Variants in PRRC2C observed in about 807,000 individuals in gnomAD.
PRRC2C encodes the protein protein PRRC2C.
In PRRC2C, 72 loss-of-function variants were observed where a neutral mutation model predicts 317.2. The observed-to-expected ratio is 0.23, with a 90% CI of 0.19 to 0.28. The LOEUF (loss-of-function observed/expected upper bound fraction) is 0.28. Among genes scored for constraint, PRRC2C ranks in the 10% least tolerant of loss-of-function variants. The pLI is 1.00. For synonymous variants in PRRC2C, 1,296 were observed against 1,205.9 expected, an observed-to-expected ratio of 1.07 and a Z score of -1.55; for missense variants, 3,074 against 3,459.7, an observed-to-expected ratio of 0.89 and a Z score of 2.80.
chr1:171,505,679 A>C (rs1159327351), intron 1 of PRRC2C, among the ~76,000 whole-genome samples: 5 of 152,198 alleles, frequency 3.3e-5, no homozygotes, highest in African/African-American at 9.7e-5. Context: ...AAGGGCAAGC[A>C]TACAAACTTT....
rs768500366 is a variant in PRRC2C at position 171,541,611 on chromosome 1, C to T, written c.4145C>T (p.Ser1382Leu). ...YRDNQWNPRQ[S>L]EVPKPEDGEP... ...GACAATCAGTGGAACCCAAGGCAGT[C>T]AGAAGTTCCTAAACCAGAAGATGGA... Residue 1382 changes from serine (S) to leucine (L), a missense_variant, in exon 16 of 35, where the codon TCA becomes TTA. Transcript: ENST00000647382. The surrounding 1 kb of genome is among the most constrained non-coding windows in gnomAD (Gnocchi z 4.1). The T allele has an allele frequency of 3.7e-6, 6 of 1,613,706 alleles. No homozygotes were observed. The highest frequency in any genetic ancestry group is 5.1e-6 in the Non-Finnish European group (6 of 1,179,862).
chr1:171,577,720 C>T, intron 26 of PRRC2C, 83 bp downstream of exon 26: 1 of 1,233,994 alleles, frequency 8.1e-7, no homozygotes, highest in Non-Finnish European at 1.2e-6. Context: ...CTTACCCTTT[C>T]AGCTAAGCAT....
Position 171,557,828 on chromosome 1 carries a change from C to T in PRRC2C, c.5716C>T (p.Leu1906Phe), listed in dbSNP as rs1431936490. 6.5e-7 allele frequency: 1 copy of T among 1,548,322 alleles called. No homozygotes were observed. The highest frequency in any genetic ancestry group is 8.7e-7 in the Non-Finnish European group (1 of 1,145,066). ...CTCAGCCCCAACTGCCTCAGTCCCA[C>T]TTGCCCCTGCCTCAGCTTCAGCCCC... Reference protein sequence around the residue: ...PASAPTASVPLAPASASAPAP... With the variant: ...PASAPTASVPFAPASASAPAP... Residue 1906 changes from leucine to phenylalanine, a missense_variant, in exon 19 of 35, where the codon CTT becomes TTT. By Grantham distance (22) the Leu-to-Phe change is conservative. Transcript: ENST00000647382.
rs1405235540 is a variant in PRRC2C at position 171,540,615 on chromosome 1, TAAAGCCTGA to T, written c.3154_3162del (p.Pro1052_Lys1054del). 1.2e-6 allele frequency: 2 copies of T among 1,613,792 alleles called. No individual in the cohort carries two copies. The highest frequency in any genetic ancestry group is 2.7e-5 in the African/African-American group (2 of 74,894). ...GAAAAGGTCACTGAAAAAGTAGTTG[TAAAGCCTGA>T]AAAGACGGAAAAGAAGGATCTTCCT... On this transcript the variant is annotated inframe_deletion, in exon 16 of 35. Transcript: ENST00000647382.
Position 171,512,140 on chromosome 1 carries a change from G to C in PRRC2C, c.52G>C (p.Ala18Pro). 6.3e-7 allele frequency: 1 copy of C among 1,582,368 alleles called. No homozygotes were observed. The highest frequency in any genetic ancestry group is 8.6e-7 in the Non-Finnish European group (1 of 1,163,584). ...STKAKDGKKYATLSLFNTYKG... is the reference protein window; with the variant it reads ...STKAKDGKKYPTLSLFNTYKG... ...AAAAGCAAAGGATGGGAAAAAGTAT[G>C]CAACACTCAGTTTATTTAATACTTA... The change falls in exon 2 of 35, where the codon GCA becomes CCA. Residue 18 changes from alanine (A) to proline (P), a missense_variant. This residue lies in a region of PRRC2C where 71 missense variants were observed against 118.9 expected (regional missense o/e 0.60). Transcript: ENST00000647382.
intron 1 of PRRC2C, among the ~76,000 whole-genome samples, chr1:171,508,766 G>A (rs539473141): frequency 9.4e-4 from 143 of 152,248 alleles, no homozygotes; most frequent in African/African-American, 3.3e-3. Flanking sequence ...CTAGTGAATT[G>A]TCTGTTCAAA....
chr1:171,560,844 G>A (rs1293609828), intron 19 of PRRC2C, among the ~76,000 whole-genome samples, 174 bp from the exon 20 acceptor site: 1 of 152,038 alleles, frequency 6.6e-6, no homozygotes, highest in Non-Finnish European at 1.5e-5. Context: ...ATGTTTCTGG[G>A]GTATGCCTGT....
chr1:171,575,099 C>G lies in PRRC2C; in HGVS notation c.6926C>G (p.Ala2309Gly), dbSNP rs1476508106. The G allele has an allele frequency of 6.2e-7, 1 of 1,613,702 alleles. No homozygotes were observed. The highest frequency in any genetic ancestry group is 8.5e-7 in the Non-Finnish European group (1 of 1,179,804). The change falls in exon 25 of 35, where the codon GCT (alanine) becomes GGT (glycine). Residue 2309 changes from alanine to glycine, a missense_variant. Ala to Gly is a moderately conservative substitution (Grantham distance 60, BLOSUM62 0). This residue lies in a region of PRRC2C where 490 missense variants were observed against 663.1 expected (regional missense o/e 0.74). Coordinates refer to ENST00000647382, the MANE Select transcript of PRRC2C (RefSeq NM_001387844.1). The stretch of plus-strand genomic sequence containing the variant: ...GCATCCATGCCCCAGATTCCTGTTG[C>G]TTCAGTCACTCCTACAGCATCACTA... Reference protein sequence around the residue: ...SSASMPQIPVASVTPTASLSG... With the variant: ...SSASMPQIPVGSVTPTASLSG...
chr1:171,593,040 A>T lies in PRRC2C; in HGVS notation c.*1193A>T, dbSNP rs573354175. 2 of 152,040 alleles carry T rather than the reference A, an allele frequency of 1.3e-5. No homozygotes were observed. The highest frequency in any genetic ancestry group is 4.1e-4 in the South Asian group (2 of 4,822). 9.4% of individuals were successfully genotyped at this position (152,040 alleles called of 1,614,324 possible). A position where few individuals can be genotyped will look rare whatever the true frequency, so the allele number is the denominator to read the frequency against. On this transcript the variant is annotated 3_prime_UTR_variant, in exon 35 of 35. Transcript: ENST00000647382. ...TTCTAGAATGTTTTCTTTCCAGATGATGATTCAGAAGCTAATTTTAAAAAA... is the reference window on the plus strand; with the variant it reads ...TTCTAGAATGTTTTCTTTCCAGATGTTGATTCAGAAGCTAATTTTAAAAAA...
intron 17 of PRRC2C, among the ~76,000 whole-genome samples, chr1:171,547,322 AT>A (rs1451622244): frequency 6.6e-6 from 1 of 152,164 alleles, no homozygotes; most frequent in East Asian, 1.9e-4. Flanking sequence ...TAGTGTTCGA[AT>A]TTTCCATAAA....
Position 171,541,238 on chromosome 1 carries a change from A to G in PRRC2C, c.3772A>G (p.Lys1258Glu). 6.2e-7 allele frequency: 1 copy of G among 1,613,700 alleles called. No homozygotes were observed. Among genetic ancestry groups the G allele is most frequent in the East Asian group, 2.2e-5 (1 of 44,880 alleles). The change falls in exon 16 of 35, where the codon AAA (lysine) becomes GAA (glutamate). Residue 1258 changes from lysine (K) to glutamate (E), a missense_variant. Physicochemically the swap from Lys to Glu is moderately conservative, Grantham distance 56. Coordinates refer to ENST00000647382, the MANE Select transcript of PRRC2C (RefSeq NM_001387844.1). This position sits in a 1 kb window ranked among gnomAD's most constrained non-coding sequence, Gnocchi z 4.1. ...SESSDFEVVP[K>E]RRRQRGSETD... ...GAGCTCTGATTTTGAAGTTGTCCCC[A>G]AAAGAAGACGACAGCGGGGTTCAGA...
chr1:171,578,688 T>C lies in PRRC2C; in HGVS notation c.7160-666T>C, dbSNP rs537293161. 3.9e-5 allele frequency among the ~76,000 whole-genome samples: 6 copies of C among 152,256 alleles called. No individual in the cohort carries two copies. In the South Asian group the frequency reaches 1.2e-3, roughly 32 times the overall value. On this transcript the variant is annotated intron_variant, in intron 26 of 34. Coordinates refer to ENST00000647382, the MANE Select transcript of PRRC2C (RefSeq NM_001387844.1). ...TTCAAGACCCACCTGGCCAACATGG[T>C]GAAACCACGTCTCTACTAAAAATAC...
rs530704111 is a variant in PRRC2C, at chr1:171,585,385, G to A, written c.7749+859G>A. Among the ~76,000 whole-genome samples the A allele has an allele frequency of 8.5e-4, 130 of 152,296 alleles. 1 individual carries two copies. The highest frequency in any genetic ancestry group is 3.0e-3 in the African/African-American group (125 of 41,546). On this transcript the variant is annotated intron_variant, in intron 30 of 34. Coordinates refer to ENST00000647382, the MANE Select transcript of PRRC2C (RefSeq NM_001387844.1). The stretch of plus-strand genomic sequence containing the variant: ...ATTTTCAGTGAAAAGTATATGGTAC[G>A]TTTAAAACTATCTCTAATAATTTCA...
intron 29 of PRRC2C, 25 bp from the exon 30 acceptor site, chr1:171,584,394 T>G: frequency 1.3e-6 from 2 of 1,528,990 alleles, no homozygotes; most frequent in South Asian, 2.5e-5. Context: ...GTCTTACTCA[T>G]GTTTTCTTAA....
intron 10 of PRRC2C, among the ~76,000 whole-genome samples, chr1:171,525,797 T>C (rs779340718): frequency 1.3e-5 from 2 of 152,146 alleles, no homozygotes; most frequent in Non-Finnish European, 2.9e-5. Context: ...AAAGGGAATA[T>C]AGCTGTTACA....
intron 18 of PRRC2C, among the ~76,000 whole-genome samples, chr1:171,552,503 A>G (rs991556318): frequency 6.6e-6 from 1 of 152,138 alleles, no homozygotes; most frequent in African/African-American, 2.4e-5. Flanking sequence ...CACTATGCTG[A>G]ATAGGAGTGT....
chr1:171,552,111 A>G (rs1680365795), intron 18 of PRRC2C, among the ~76,000 whole-genome samples: 1 of 152,074 alleles, frequency 6.6e-6, no homozygotes. Context: ...ATGTTCTTCC[A>G]TTTGTTTGTG....
At chr1:171,527,057 C>T (rs964251190) in intron 10 of PRRC2C, among the ~76,000 whole-genome samples, 1 of 151,952 alleles carries the variant, frequency 6.6e-6, no homozygotes, top group Admixed American at 6.6e-5. Flanking sequence ...CCGCCTGCCT[C>T]GGCCTCCCGA....
chr1:171,560,973 A>G, intron 19 of PRRC2C, 45 bp from the exon 20 acceptor site: 2 of 1,446,094 alleles, frequency 1.4e-6, no homozygotes, highest in Non-Finnish European at 1.9e-6. Flanking sequence ...AGAGATTATT[A>G]GACTCTAAAT....
Sources: allele counts gnomAD v4.1 joint callset (sites outside exome capture counted in the v4.1 genomes callset), GRCh38; gene constraint gnomAD v4.1.1; regional missense constraint gnomAD v4.1.1; non-coding constraint Gnocchi (gnomAD v3.1); transcripts MANE v1.5; gene names NCBI Gene and HGNC (gene_info 2026-07-23, HGNC 2026-07-21).